Variants in MSI2 observed in about 807,000 individuals in gnomAD.
The protein encoded by MSI2 is musashi RNA binding protein 2.
A neutral mutation model predicts 45.6 loss-of-function variants in MSI2; 17 were observed. The ratio of observed to expected loss-of-function variants is 0.37; its 90% confidence interval spans 0.26 to 0.56. The LOEUF (loss-of-function observed/expected upper bound fraction) is 0.56. Ranked by LOEUF, MSI2 falls within the 20% of genes least tolerant of loss-of-function variation. MSI2 has a pLI of 0.77. For synonymous variants in MSI2, 156 were observed against 158.2 expected (o/e 0.99, Z 0.11); for missense variants, 293 against 444.2 (o/e 0.66, Z 3.06).
chr17:57,329,102 A>G (rs1330968475), intron 5 of MSI2, among the ~76,000 whole-genome samples: 1 of 152,004 alleles, frequency 6.6e-6, no homozygotes, highest in African/African-American at 2.4e-5. Flanking sequence ...GTGCCCTGAG[A>G]TGGTATTTGG....
rs1432013921 is a variant in MSI2 at position 57,280,498 on chromosome 17, G to A, written c.312+18306G>A. Among the ~76,000 whole-genome samples the A allele has an allele frequency of 6.6e-6, 1 of 152,150 alleles. No homozygotes were observed. Among genetic ancestry groups the A allele is most frequent in the Non-Finnish European group, 1.5e-5 (1 of 68,022 alleles). On this transcript the variant is annotated intron_variant, in intron 5 of 13. Coordinates refer to ENST00000284073, the MANE Select transcript of MSI2 (RefSeq NM_138962.4). This position sits in a 1 kb window ranked among gnomAD's most constrained non-coding sequence, Gnocchi z 4.2. ...CAGCAGCTTGGTGGTTTGGTTAGTT[G>A]AGGAGTAGCAAGTGTTAAAGGTGAG...
chr17:57,452,301 G>T (rs1598286125), intron 6 of MSI2, among the ~76,000 whole-genome samples: 1 of 152,346 alleles, frequency 6.6e-6, no homozygotes, highest in East Asian at 1.9e-4. Context: ...CTCCTCCAGA[G>T]GGGGAGCAGG....
intron 6 of MSI2, among the ~76,000 whole-genome samples, chr17:57,447,026 T>C (rs143837320): frequency 1.4e-4 from 21 of 152,342 alleles, no homozygotes; most frequent in African/African-American, 4.8e-4. Flanking sequence ...CCGTCACCCT[T>C]AACAACAAAG....
chr17:57,348,693 C>T (rs1915797781), intron 5 of MSI2, among the ~76,000 whole-genome samples: 2 of 152,270 alleles, frequency 1.3e-5, no homozygotes, highest in South Asian at 4.1e-4. Context: ...CATGCTTGTA[C>T]AGCCTGAAGA....
At chr17:57,622,206 CA>C (rs1908359224) in intron 9 of MSI2, among the ~76,000 whole-genome samples, 1 of 152,050 alleles carries the variant, frequency 6.6e-6, no homozygotes, top group East Asian at 1.9e-4. Flanking sequence ...CAAAAACAAA[CA>C]AACAAAAAAA....
intron 7 of MSI2, among the ~76,000 whole-genome samples, chr17:57,547,590 G>A (rs1338949758): frequency 1.3e-5 from 2 of 152,118 alleles, no homozygotes; most frequent in African/African-American, 4.8e-5. Flanking sequence ...CTAGGTTCTT[G>A]GGTTGAGCTC....
chr17:57,578,648 A>G (rs2088117358), intron 7 of MSI2, among the ~76,000 whole-genome samples: 1 of 152,114 alleles, frequency 6.6e-6, no homozygotes, highest in Non-Finnish European at 1.5e-5. Flanking sequence ...TAAAAACAAG[A>G]GAGACTCCTA....
In MSI2 at chr17:57,604,870, G is replaced by A. The variant is rs564978855; in HGVS notation, c.537+7920G>A. Among the ~76,000 whole-genome samples the A allele has an allele frequency of 3.0e-4, 37 of 123,594 alleles. 1 individual carries two copies. The East Asian group carries it at 0.015, about 49-fold the overall frequency. The allele number at this position is 123,594 out of a possible 152,430, so 81.1% of individuals were successfully genotyped here. The stretch of plus-strand genomic sequence containing the variant: ...CACCTGGCAAGGTGCCCAGTGATTG[G>A]CTCACCCCCCCACTCCTTCCAGCTG... On this transcript the variant is annotated intron_variant, in intron 8 of 13. Transcript: ENST00000284073.
At chr17:57,314,431 C>T (rs1016128021) in intron 5 of MSI2, among the ~76,000 whole-genome samples, 22 of 151,942 alleles carry the variant, frequency 1.4e-4, no homozygotes, top group African/African-American at 3.6e-4. Flanking sequence ...GTACAGCCAC[C>T]GGGCAAAGTA....
intron 5 of MSI2, among the ~76,000 whole-genome samples, chr17:57,359,731 A>T (rs1916693630): frequency 6.6e-6 from 1 of 152,178 alleles, no homozygotes; most frequent in Admixed American, 6.5e-5. Flanking sequence ...CCCTGGCTGA[A>T]GCCCTGTCGA....
chr17:57,272,893 G>A (rs1341600102), intron 5 of MSI2, among the ~76,000 whole-genome samples: 5 of 152,194 alleles, frequency 3.3e-5, no homozygotes, highest in African/African-American at 9.7e-5. Flanking sequence ...AACACAGTGT[G>A]TATTTACTGA....
chr17:57,507,223 CTCTG>C (rs1406395366), intron 6 of MSI2, among the ~76,000 whole-genome samples: 8,501 of 109,376 alleles, frequency 0.078, 315 homozygotes, highest in South Asian at 0.098. Flanking sequence ...GTCTTTGTCT[CTCTG>C]TGTGTGTGTG....
intron 7 of MSI2, among the ~76,000 whole-genome samples, chr17:57,590,146 T>A (rs1904689871): frequency 6.6e-6 from 1 of 152,248 alleles, no homozygotes; most frequent in South Asian, 2.1e-4. Context: ...TCATTTTTTT[T>A]TCTCCATTAA....
chr17:57,597,046 T>C, intron 8 of MSI2, 96 bp downstream of exon 8: 1 of 862,498 alleles, frequency 1.2e-6, no homozygotes, highest in Non-Finnish European at 1.9e-6. Context: ...CAGGCTGGAG[T>C]GGGCAGGGGT....
chr17:57,628,751 A>T (rs1417090948), intron 10 of MSI2: 2 of 152,348 alleles, frequency 1.3e-5, no homozygotes, highest in Non-Finnish European at 2.9e-5. Context: ...ATGGTTCCCC[A>T]TCTGGGAGGG....
chr17:57,409,737 A>G (rs184393933), intron 6 of MSI2, among the ~76,000 whole-genome samples: 302 of 152,132 alleles, frequency 2.0e-3, no homozygotes, highest in Non-Finnish European at 3.4e-3. Context: ...GCACAGGCAC[A>G]GTGGCTCACG....
chr17:57,489,527 C>A (rs377256834), intron 6 of MSI2, among the ~76,000 whole-genome samples: 1 of 152,336 alleles, frequency 6.6e-6, no homozygotes, highest in South Asian at 2.1e-4. Context: ...GCTCCTGGCA[C>A]GGCCAGTCCC....
chr17:57,401,474 A>G lies in MSI2; in HGVS notation c.405+3A>G. The G allele has an allele frequency of 6.2e-7, 1 of 1,611,750 alleles. No homozygotes were observed. Among genetic ancestry groups the G allele is most frequent in the Non-Finnish European group, 8.5e-7 (1 of 1,178,254 alleles). On this transcript the variant is annotated splice_donor_region_variant and intron_variant, in intron 6 of 13. Transcript: ENST00000284073. The stretch of plus-strand genomic sequence containing the variant: ...AATATTTCGAGCAGTTTGGCAAGGT[A>G]AGCGCTGGATGGGGTTGGATGGCAC...
chr17:57,470,532 C>T (rs2085414933), intron 6 of MSI2, among the ~76,000 whole-genome samples: 1 of 152,204 alleles, frequency 6.6e-6, no homozygotes, highest in Non-Finnish European at 1.5e-5. Flanking sequence ...CCCTCCTGGG[C>T]CTCCCAAAGT....
Sources: allele counts gnomAD v4.1 joint callset (sites outside exome capture counted in the v4.1 genomes callset), GRCh38; gene constraint gnomAD v4.1.1; non-coding constraint Gnocchi (gnomAD v3.1); transcripts MANE v1.5; gene names NCBI Gene and HGNC (gene_info 2026-07-23, HGNC 2026-07-21).